The following PTPRR variants were observed in gnomAD, a reference collection of about 807,000 sequenced individuals.
The protein encoded by PTPRR is protein tyrosine phosphatase receptor type R.
PTPRR carries 38 observed loss-of-function variants against 77.2 expected under a neutral mutation model. The ratio of observed to expected loss-of-function variants is 0.49; its 90% CI spans 0.38 to 0.65. PTPRR has a LOEUF of 0.65. PTPRR is among the 30% of genes least tolerant of loss of function. PTPRR has a pLI of 0.00. For synonymous variants in PTPRR, 299 were observed against 283.1 expected (o/e 1.06, Z -0.57); for missense variants, 744 against 799.2 (o/e 0.93, Z 0.83).
intron 2 of PTPRR, among the ~76,000 whole-genome samples, chr12:70,875,235 TATA>T (rs961271819): frequency 6.6e-6 from 1 of 152,196 alleles, no homozygotes; most frequent in Admixed American, 6.5e-5. Context: ...GAGAAGTGTC[TATA>T]ATATTAGACC....
chr12:70,853,885 C>G (rs1285652932), intron 2 of PTPRR, among the ~76,000 whole-genome samples: 1 of 152,210 alleles, frequency 6.6e-6, no homozygotes, highest in East Asian at 1.9e-4. Flanking sequence ...CGAGTTGTTT[C>G]TACCTTACTC....
intron 6 of PTPRR, among the ~76,000 whole-genome samples, chr12:70,712,502 C>G (rs755204262): frequency 4.7e-5 from 7 of 150,142 alleles, no homozygotes; most frequent in Non-Finnish European, 1.0e-4. Context: ...CCCTGAAAAT[C>G]AAATAGCCAT....
At chr12:70,848,415 C>T (rs1892520608) in intron 2 of PTPRR, among the ~76,000 whole-genome samples, 1 of 151,906 alleles carries the variant, frequency 6.6e-6, no homozygotes, top group Non-Finnish European at 1.5e-5. Context: ...GTAGCCTCTG[C>T]CTCCTGTGTT....
At chr12:70,662,459 T>C (rs190279496) in intron 11 of PTPRR, 36 bp downstream of exon 11, 2 of 1,272,944 alleles carry the variant, frequency 1.6e-6, no homozygotes, top group East Asian at 2.3e-5. Flanking sequence ...TCTAACATCA[T>C]CTACTTTGTA....
intron 2 of PTPRR, among the ~76,000 whole-genome samples, chr12:70,861,805 C>G (rs148918771): frequency 6.6e-6 from 1 of 152,130 alleles, no homozygotes; most frequent in African/African-American, 2.4e-5. Context: ...TTCATCCAAG[C>G]ACAACACTGT....
intron 2 of PTPRR, among the ~76,000 whole-genome samples, chr12:70,808,174 C>G (rs1351887517): frequency 6.6e-6 from 1 of 152,088 alleles, no homozygotes; most frequent in Non-Finnish European, 1.5e-5. Flanking sequence ...TGCAGCACCC[C>G]CAGGCTTGCT....
At chr12:70,768,128 T>A (rs1890873823) in intron 2 of PTPRR, among the ~76,000 whole-genome samples, 1 of 151,816 alleles carries the variant, frequency 6.6e-6, no homozygotes, top group African/African-American at 2.4e-5. Flanking sequence ...AGCAAACACA[T>A]TCAAAAGCTA....
chr12:70,853,863 A>C (rs978366298), intron 2 of PTPRR, among the ~76,000 whole-genome samples: 1 of 152,240 alleles, frequency 6.6e-6, no homozygotes, highest in African/African-American at 2.4e-5. Flanking sequence ...AAGGAGATTA[A>C]ATGCCAAGTG....
At chr12:70,842,669 A>G (rs759694152) in intron 2 of PTPRR, among the ~76,000 whole-genome samples, 6 of 152,080 alleles carry the variant, frequency 3.9e-5, no homozygotes, top group Non-Finnish European at 8.8e-5. Context: ...CTACCTCTGT[A>G]TTTCTCTTAG....
chr12:70,910,967 G>A (rs1441725287), intron 1 of PTPRR, among the ~76,000 whole-genome samples: 1 of 152,184 alleles, frequency 6.6e-6, no homozygotes, highest in African/African-American at 2.4e-5. Context: ...GTCTCCAAGG[G>A]AGTCAAACTG....
At chr12:70,853,015 G>A (rs79531663) in intron 2 of PTPRR, among the ~76,000 whole-genome samples, 4,354 of 152,200 alleles carry the variant, frequency 0.029, 102 homozygotes, top group Non-Finnish European at 0.045. Flanking sequence ...CATGACTACC[G>A]TTCACGGGCC....
chr12:70,795,879 A>G (rs1407399831), intron 2 of PTPRR, among the ~76,000 whole-genome samples: 1 of 91,508 alleles, frequency 1.1e-5, no homozygotes, highest in Non-Finnish European at 2.3e-5. Context: ...GAAACATTTT[A>G]TTGGGTCCTA....
At chr12:70,728,972 A>G (rs1889554562) in intron 6 of PTPRR, among the ~76,000 whole-genome samples, 1 of 152,044 alleles carries the variant, frequency 6.6e-6, no homozygotes, top group Non-Finnish European at 1.5e-5. Context: ...GCAATCCATG[A>G]GTTGTTTCAG....
chr12:70,837,638 G>A (rs1321523618), intron 2 of PTPRR, among the ~76,000 whole-genome samples: 1 of 152,074 alleles, frequency 6.6e-6, no homozygotes, highest in African/African-American at 2.4e-5. Context: ...GAGGTTTCAT[G>A]CCCTCTCTGG....
At chr12:70,814,895 C>T (rs774434696) in intron 2 of PTPRR, among the ~76,000 whole-genome samples, 1 of 152,040 alleles carries the variant, frequency 6.6e-6, no homozygotes, top group Non-Finnish European at 1.5e-5. Flanking sequence ...AAATATTTGG[C>T]ACCCAACAAG....
chr12:70,764,701 T>A lies in PTPRR; in HGVS notation c.435A>T (p.Gly145=). The change falls in exon 3 of 14, where the codon GGA becomes GGT. Residue 145 remains glycine (G), a synonymous_variant. Coordinates refer to ENST00000283228, the MANE Select transcript of PTPRR (RefSeq NM_002849.4). ...TGATGTGCACTTGCTGGGGTAAGAG[T>A]CCTAAAGCTGCAGCCACTCCTTGGC... is the stretch of plus-strand genomic sequence containing the variant. ...IFRQGVAAAL[G]LLPQQVHINR... is the part of the protein sequence containing the mutation. 1 of 1,613,856 alleles carries A rather than the reference T, an allele frequency of 6.2e-7. No homozygotes were observed. Among genetic ancestry groups the A allele is most frequent in the South Asian group, 1.1e-5 (1 of 91,062 alleles).
rs181847952 is a variant in PTPRR at position 70,714,357 on chromosome 12, C to G, written c.1008-13034G>C. ...GCCCTCTTCCCCTAGTTCTTCCCGC[C>G]TCCTGATTTTCTGGCTCTGCTTCTC... On this transcript the variant is annotated intron_variant, in intron 6 of 13. Coordinates refer to ENST00000283228, the MANE Select transcript of PTPRR (RefSeq NM_002849.4). 3.9e-5 allele frequency among the ~76,000 whole-genome samples: 6 copies of G among 152,170 alleles called. No homozygotes were observed. The East Asian group carries it at 1.2e-3, about 29-fold the overall frequency.
chr12:70,661,832 C>T (rs1215058455), intron 11 of PTPRR, among the ~76,000 whole-genome samples: 1 of 152,222 alleles, frequency 6.6e-6, no homozygotes, highest in African/African-American at 2.4e-5. Flanking sequence ...ATCACTGTAG[C>T]TCTGCCCCTG....
At chr12:70,819,848 C>A (rs1020099685) in intron 2 of PTPRR, among the ~76,000 whole-genome samples, 2 of 152,042 alleles carry the variant, frequency 1.3e-5, no homozygotes, top group African/African-American at 4.8e-5. Flanking sequence ...ACACTTTCTA[C>A]ATCATAGAAT....
Sources: allele counts gnomAD v4.1 joint callset (sites outside exome capture counted in the v4.1 genomes callset), GRCh38; gene constraint gnomAD v4.1.1; transcripts MANE v1.5; gene names NCBI Gene and HGNC (gene_info 2026-07-23, HGNC 2026-07-21).